DGKI: variants seen among roughly 807,000 people sequenced by gnomAD.
DGKI encodes diacylglycerol kinase iota, also known as DAG kinase iota.
DGKI carries 55 observed loss-of-function variants against 147.5 expected under a neutral mutation model. The observed-to-expected ratio is 0.37, with a 90% confidence interval of 0.30 to 0.47. DGKI has a LOEUF of 0.47. Among genes scored for constraint, DGKI ranks in the 20% least tolerant of loss-of-function variants. The pLI is 1.00. For synonymous variants in DGKI, 469 were observed against 477.1 expected, an observed-to-expected ratio of 0.98 and a Z score of 0.22; for missense variants, 1,007 against 1,323.8, an observed-to-expected ratio of 0.76 and a Z score of 3.71.
intron 1 of DGKI, among the ~76,000 whole-genome samples, chr7:137,831,449 A>C (rs116879338): frequency 0.039 from 5,947 of 152,298 alleles, 117 homozygotes; most frequent in Non-Finnish European, 0.052. Context: ...CACAACTTAC[A>C]TGGATGGTAG....
intron 23 of DGKI, among the ~76,000 whole-genome samples, chr7:137,478,550 C>T (rs749540514): frequency 3.9e-5 from 6 of 152,222 alleles, no homozygotes; most frequent in South Asian, 4.1e-4. Flanking sequence ...ACACAGCTCA[C>T]ATCAGGTAAA....
chr7:137,701,166 A>G (rs1823969693), intron 1 of DGKI, among the ~76,000 whole-genome samples: 1 of 152,056 alleles, frequency 6.6e-6, no homozygotes, highest in Non-Finnish European at 1.5e-5. Context: ...GCAGAAAAAA[A>G]AAATTGATGA....
chr7:137,600,844 T>TA (rs1417533730), intron 10 of DGKI, among the ~76,000 whole-genome samples: 1 of 152,246 alleles, frequency 6.6e-6, no homozygotes, highest in Non-Finnish European at 1.5e-5. Context: ...CTGGTTTGTT[T>TA]AAGCCAAACA....
chr7:137,408,049 A>G, intron 29 of DGKI, 54 bp from the exon 30 acceptor site: 1 of 1,599,488 alleles, frequency 6.3e-7, no homozygotes, highest in Admixed American at 1.7e-5. Flanking sequence ...AACAAGGATA[A>G]CAGCTAACCG....
At chr7:137,659,857 C>T (rs10255234) in intron 3 of DGKI, among the ~76,000 whole-genome samples, 43,962 of 151,948 alleles carry the variant, frequency 0.29, 11,518 homozygotes, top group African/African-American at 0.7. Flanking sequence ...GGCGTGAACC[C>T]GGGAGGCAGA....
At chr7:137,826,948 T>C (rs1044232023) in intron 1 of DGKI, among the ~76,000 whole-genome samples, 1 of 152,222 alleles carries the variant, frequency 6.6e-6, no homozygotes, top group Non-Finnish European at 1.5e-5. Context: ...CAAATTCTCC[T>C]TACTCAATCT....
At chr7:137,479,659 T>C (rs758618112) in intron 23 of DGKI, among the ~76,000 whole-genome samples, 1 of 152,190 alleles carries the variant, frequency 6.6e-6, no homozygotes, top group Non-Finnish European at 1.5e-5. Flanking sequence ...TGAATGAAAT[T>C]CTTTTTCTTT....
At chr7:137,494,133 A>C (rs921999320) in intron 21 of DGKI, among the ~76,000 whole-genome samples, 1 of 152,222 alleles carries the variant, frequency 6.6e-6, no homozygotes, top group East Asian at 1.9e-4. Context: ...AAAAAAATGA[A>C]GAAGAATGAA....
chr7:137,846,156 C>CTCTCTCTT lies in DGKI; in HGVS notation c.401+305_401+306insAAGAGAGA, dbSNP rs1798713659. Among the ~76,000 whole-genome samples the CTCTCTCTT allele has an allele frequency of 2.8e-5, 4 of 140,676 alleles. No homozygotes were observed. The highest frequency in any genetic ancestry group is 6.0e-5 in the Non-Finnish European group (4 of 66,370). The allele number at this position is 140,676 out of a possible 152,430, so 92.3% of individuals were successfully genotyped here. A position where few individuals can be genotyped will look rare whatever the true frequency, so the allele number is the denominator to read the frequency against. Reference sequence around the variant, plus strand: ...TCTTTCTCTCTCTCTCTCTCTCTCTCTCTCTCACACACACACACACACACA... The same window carrying CTCTCTCTT: ...TCTTTCTCTCTCTCTCTCTCTCTCTCTCTCTCTTTCTCTCACACACACACACACACACA... On this transcript the variant is annotated intron_variant, in intron 1 of 32. Transcript: ENST00000614521. The surrounding 1 kb of genome is among the most constrained non-coding windows in gnomAD (Gnocchi z 4.0).
At chr7:137,713,118 C>T (rs531328139) in intron 1 of DGKI, among the ~76,000 whole-genome samples, 1 of 152,320 alleles carries the variant, frequency 6.6e-6, no homozygotes, top group South Asian at 2.1e-4. Flanking sequence ...ATTTCTATCA[C>T]CATGTGTCTC....
intron 2 of DGKI, among the ~76,000 whole-genome samples, chr7:137,687,834 C>T (rs1282403289): frequency 6.6e-6 from 1 of 152,138 alleles, no homozygotes; most frequent in Non-Finnish European, 1.5e-5. Flanking sequence ...TGTTTCGTGT[C>T]ATGCCATACT....
chr7:137,459,470 A>ATTTTTTTTTTTTTTTTTTTTTTTTTTT (rs68045398), intron 27 of DGKI, among the ~76,000 whole-genome samples: 1 of 107,484 alleles, frequency 9.3e-6, no homozygotes, highest in Non-Finnish European at 1.8e-5. Flanking sequence ...AATTTTTTAA[A>ATTTTTTTTTTTTTTTTTTTTTTTTTTT]TTTTTTTTTT....
chr7:137,597,980 A>G, intron 11 of DGKI, 73 bp from the exon 12 acceptor site: 1 of 1,387,750 alleles, frequency 7.2e-7, no homozygotes, highest in Non-Finnish European at 1.0e-6. Context: ...AGCAGAGGAC[A>G]ACATGGGTAG....
chr7:137,672,409 G>A (rs776347609), intron 3 of DGKI, among the ~76,000 whole-genome samples: 1 of 152,194 alleles, frequency 6.6e-6, no homozygotes, highest in Non-Finnish European at 1.5e-5. Flanking sequence ...CAGAGATGAT[G>A]AGTATGAGTC....
chr7:137,632,037 T>C (rs1246363184), intron 6 of DGKI, among the ~76,000 whole-genome samples: 1 of 152,172 alleles, frequency 6.6e-6, no homozygotes, highest in African/African-American at 2.4e-5. Flanking sequence ...GTAACTGGAA[T>C]ATAGAATTCT....
chr7:137,446,843 A>G (rs1160906970), intron 27 of DGKI, among the ~76,000 whole-genome samples: 2 of 152,190 alleles, frequency 1.3e-5, no homozygotes, highest in Non-Finnish European at 1.5e-5. Flanking sequence ...TCAATCCCAA[A>G]AAGAGATAAT....
At chr7:137,442,841 A>G (rs1381999381) in intron 28 of DGKI, among the ~76,000 whole-genome samples, 1 of 152,218 alleles carries the variant, frequency 6.6e-6, no homozygotes, top group East Asian at 1.9e-4. Flanking sequence ...AAGAACTCAT[A>G]GTCTAATAGG....
At chr7:137,510,783 A>G (rs2128947562) in intron 21 of DGKI, among the ~76,000 whole-genome samples, 1 of 152,350 alleles carries the variant, frequency 6.6e-6, no homozygotes, top group Non-Finnish European at 1.5e-5. Context: ...TGAAGAATTC[A>G]TGACAGAAAA....
chr7:137,636,938 C>T (rs763712475), intron 6 of DGKI, among the ~76,000 whole-genome samples: 2 of 152,218 alleles, frequency 1.3e-5, no homozygotes, highest in African/African-American at 2.4e-5. Context: ...TCACCAGATG[C>T]TGGTGCCATG....
Sources: allele counts gnomAD v4.1 joint callset (sites outside exome capture counted in the v4.1 genomes callset), GRCh38; gene constraint gnomAD v4.1.1; non-coding constraint Gnocchi (gnomAD v3.1); transcripts MANE v1.5; gene names NCBI Gene and HGNC (gene_info 2026-07-23, HGNC 2026-07-21).